RAB44: variants seen among roughly 807,000 people sequenced by gnomAD.
The protein encoded by RAB44 is ras-related protein Rab-44.
A neutral mutation model predicts 93.3 loss-of-function variants in RAB44; 67 were observed. The ratio of observed to expected loss-of-function variants is 0.72; its 90% confidence interval spans 0.59 to 0.88. The LOEUF (loss-of-function observed/expected upper bound fraction) is 0.88, where lower values mean the gene tolerates loss of function less well. Among genes scored for constraint, RAB44 ranks in the 40% least tolerant of loss-of-function variants. RAB44 has a pLI of 0.00. For missense variants in RAB44, 1,064 were observed against 1,261.7 expected (o/e 0.84, Z 2.37); for synonymous variants, 427 against 520.3 (o/e 0.82, Z 2.44).
In RAB44 at chr6:36,731,199, TCA is replaced by T. The variant is rs999579144; in HGVS notation, c.2975+462_2975+463del. 6.7e-6 allele frequency among the ~76,000 whole-genome samples: 1 copy of T among 149,154 alleles called. No homozygotes were observed. Among genetic ancestry groups the T allele is most frequent in the Non-Finnish European group, 1.5e-5 (1 of 67,052 alleles). The stretch of plus-strand genomic sequence containing the variant: ...CTCACACTCTTACACACACTCACAC[TCA>T]CACACACACACTTGCCAAGTTCCAG... On this transcript the variant is annotated intron_variant, in intron 13 of 13. Coordinates refer to ENST00000612677, the MANE Select transcript of RAB44 (RefSeq NM_001257357.2). This position sits in a 1 kb window ranked among gnomAD's most constrained non-coding sequence, Gnocchi z 4.0.
intron 1 of RAB44, among the ~76,000 whole-genome samples, chr6:36,702,566 A>G (rs1218206113): frequency 6.6e-6 from 1 of 152,106 alleles, no homozygotes; most frequent in Non-Finnish European, 1.5e-5. Flanking sequence ...TATCTATTCC[A>G]TCTCCTGGGC....
chr6:36,728,848 C>CACCT (rs1183214143), intron 12 of RAB44, 47 bp downstream of exon 12: 2 of 1,446,174 alleles, frequency 1.4e-6, no homozygotes, highest in South Asian at 2.4e-5. Flanking sequence ...ACTGGGCAGA[C>CACCT]ACCTCCCTGG....
chr6:36,721,741 C>A lies in RAB44; in HGVS notation c.1607C>A (p.Ala536Asp). 8.1e-7 allele frequency: 1 copy of A among 1,234,450 alleles called. No individual in the cohort carries two copies. Among genetic ancestry groups the A allele is most frequent in the Non-Finnish European group, 1.0e-6 (1 of 988,274 alleles). 76.5% of individuals were successfully genotyped at this position (1,234,450 alleles called of 1,614,324 possible). Residue 536 changes from alanine (A) to aspartate (D), a missense_variant, in exon 9 of 14, where the codon GCT (alanine) becomes GAT (aspartate). By Grantham distance (126) the Ala-to-Asp change is moderately radical (BLOSUM62 -2). Transcript: ENST00000612677. ...GATGACAAGGGCCCTGGGTCTTGGG[C>A]TCCTCCCAGCGGGGCTCAGCCTGGG... Reference protein sequence around the residue: ...DPDDKGPGSWAPPSGAQPGAG... With the variant: ...DPDDKGPGSWDPPSGAQPGAG...
chr6:36,725,958 A>C lies in RAB44; in HGVS notation c.2681+15A>C. On this transcript the variant is annotated intron_variant, in intron 10 of 13. Coordinates refer to ENST00000612677, the MANE Select transcript of RAB44 (RefSeq NM_001257357.2). ...GGCCAAGAGAGGTAACAGGCACTGT[A>C]TATCAGTGTGTCAGGAACCTAGGCT... 3.2e-6 allele frequency: 5 copies of C among 1,544,944 alleles called. No individual in the cohort carries two copies. The highest frequency in any genetic ancestry group is 3.5e-6 in the Non-Finnish European group (4 of 1,141,816).
In RAB44 at chr6:36,731,664, C is replaced by T. The variant is rs1759860607; in HGVS notation, c.2976-339C>T. 6.6e-6 allele frequency among the ~76,000 whole-genome samples: 1 copy of T among 152,188 alleles called. No homozygotes were observed. Among genetic ancestry groups the T allele is most frequent in the African/African-American group, 2.4e-5 (1 of 41,438 alleles). On this transcript the variant is annotated intron_variant, in intron 13 of 13. Transcript: ENST00000612677. This position sits in a 1 kb window ranked among gnomAD's most constrained non-coding sequence, Gnocchi z 4.0. ...CACCATCTCCTTCCTCCCCAGATCC[C>T]TCCAGGACCTGGTGTGAAGTCCCTG...
chr6:36,720,919 C>A (rs896509291), intron 8 of RAB44, among the ~76,000 whole-genome samples: 26 of 152,184 alleles, frequency 1.7e-4, no homozygotes, highest in Admixed American at 1.3e-4. Context: ...CCAGAATGAT[C>A]AAGGAAGGCT....
In RAB44 at chr6:36,697,881, C is replaced by T. The variant is rs1762419351; in HGVS notation, c.-47C>T. The T allele has an allele frequency of 6.6e-6, 1 of 152,348 alleles. No homozygotes were observed. The highest frequency in any genetic ancestry group is 2.1e-4 in the South Asian group (1 of 4,834). 9.4% of individuals were successfully genotyped at this position (152,348 alleles called of 1,614,324 possible). ...TCACCCTACCACCAGGTCCCAGAGC[C>T]CAGGGCTGTGTGTTCCACTGGGAGC... On this transcript the variant is annotated 5_prime_UTR_variant, in exon 1 of 14. Transcript: ENST00000612677.
At chr6:36,728,446 G>T (rs952229764) in intron 11 of RAB44, among the ~76,000 whole-genome samples, 4 of 152,222 alleles carry the variant, frequency 2.6e-5, no homozygotes, top group Non-Finnish European at 5.9e-5. Flanking sequence ...CAGGCAGGAA[G>T]AGAGGACATG....
At chr6:36,716,487 A>AAG (rs1223164310) in intron 4 of RAB44, among the ~76,000 whole-genome samples, 3 of 149,468 alleles carry the variant, frequency 2.0e-5, no homozygotes, top group Admixed American at 6.6e-5. Flanking sequence ...AAAAAAAAAA[A>AAG]AGAGAGAGAT....
At chr6:36,706,384 T>G (rs1325378073) in intron 2 of RAB44, among the ~76,000 whole-genome samples, 1 of 152,146 alleles carries the variant, frequency 6.6e-6, no homozygotes, top group East Asian at 1.9e-4. Context: ...CCCAAGATAT[T>G]CTCTTCACCA....
At position 36,731,045 on chromosome 6, in the gene RAB44, G is replaced by T. The variant is rs1281877434; in HGVS notation, c.2975+296G>T. ...TGCAAAGAGGGCTGAGAAAAGGAGT[G>T]TCTCTCTTCTGCTCCCAAACTTCCA... is the stretch of plus-strand genomic sequence containing the variant. On this transcript the variant is annotated intron_variant, in intron 13 of 13. Transcript: ENST00000612677. The surrounding 1 kb of genome is among the most constrained non-coding windows in gnomAD (Gnocchi z 4.0). Among the ~76,000 whole-genome samples the T allele has an allele frequency of 6.6e-6, 1 of 152,028 alleles. No homozygotes were observed. The highest frequency in any genetic ancestry group is 1.5e-5 in the Non-Finnish European group (1 of 68,002).
Position 36,721,268 on chromosome 6 carries a change from C to T in RAB44, c.1134C>T (p.Gly378=). 1 of 1,234,338 alleles carries T rather than the reference C, an allele frequency of 8.1e-7. No homozygotes were observed. Among genetic ancestry groups the T allele is most frequent in the Non-Finnish European group, 1.0e-6 (1 of 988,200 alleles). The allele number at this position is 1,234,338 out of a possible 1,614,324, so 76.5% of individuals were successfully genotyped here. ...DDWDQLLSNF[G]SPPHGALQLC... ...GGGACCAGCTACTGAGCAACTTTGG[C>T]AGCCCTCCGCACGGAGCCCTGCAGC... Residue 378 remains glycine, a synonymous_variant, in exon 9 of 14, where the codon GGC becomes GGT. Transcript: ENST00000612677.
chr6:36,703,359 G>T (rs1204620521), intron 1 of RAB44, among the ~76,000 whole-genome samples: 2 of 152,182 alleles, frequency 1.3e-5, no homozygotes, highest in East Asian at 3.8e-4. Context: ...ACCATAGCAG[G>T]GTTGCAGACA....
rs115577946 is a variant in RAB44, at chr6:36,718,535, G to A, written c.775G>A (p.Val259Ile). ...GLALTSQMQD[V>I]LEAKEREVQR... ...GGCCCTCACCTCCCAGATGCAGGAC[G>A]TCCTAGAGGCCAAGGAGCGCGAGGT... The change falls in exon 7 of 14, where the codon GTC (valine) becomes ATC (isoleucine). Residue 259 changes from valine (V) to isoleucine (I), a missense_variant. Coordinates refer to ENST00000612677, the MANE Select transcript of RAB44 (RefSeq NM_001257357.2). The A allele has an allele frequency of 1.9e-5, 23 of 1,234,096 alleles. No homozygotes were observed. The highest frequency in any genetic ancestry group is 8.2e-5 in the South Asian group (2 of 24,396). The allele number at this position is 1,234,096 out of a possible 1,614,324, so 76.4% of individuals were successfully genotyped here.
intron 8 of RAB44, among the ~76,000 whole-genome samples, chr6:36,720,863 AGCAGGCAC>A (rs1306527394): frequency 9.8e-5 from 15 of 152,370 alleles, no homozygotes; most frequent in African/African-American, 3.1e-4. Flanking sequence ...CTAGATCCCT[AGCAGGCAC>A]TCACTCTACT....
At chr6:36,698,069 G>A (rs1002819500) in intron 1 of RAB44, among the ~76,000 whole-genome samples, 154 bp downstream of exon 1, 18 of 152,234 alleles carry the variant, frequency 1.2e-4, no homozygotes, top group African/African-American at 4.3e-4. Context: ...TGGTCTAAGG[G>A]AGGGGATGGG....
intron 9 of RAB44, 87 bp downstream of exon 9, chr6:36,722,820 C>T: frequency 1.3e-6 from 2 of 1,483,744 alleles, no homozygotes; most frequent in Non-Finnish European, 9.1e-7. Flanking sequence ...ACCAAGCCCT[C>T]CCTGAGGAAG....
Position 36,732,160 on chromosome 6 carries a change from G to C in RAB44, c.*67G>C. ...TCCTGTCCCTCAGCTCCTGTCCTTT[G>C]TTCCTGGACAGCAACGACACAGAGG... On this transcript the variant is annotated 3_prime_UTR_variant, in exon 14 of 14. Transcript: ENST00000612677. 1 of 1,036,156 alleles carries C rather than the reference G, an allele frequency of 9.7e-7. No homozygotes were observed. Among genetic ancestry groups the C allele is most frequent in the African/African-American group, 1.6e-5 (1 of 60,656 alleles). The allele number at this position is 1,036,156 out of a possible 1,614,324, so 64.2% of individuals were successfully genotyped here.
rs2150337338 is a variant in RAB44 at position 36,721,488 on chromosome 6, G to A, written c.1354G>A (p.Glu452Lys). The A allele has an allele frequency of 8.1e-7, 1 of 1,234,526 alleles. No individual in the cohort carries two copies. The highest frequency in any genetic ancestry group is 3.2e-5 in the East Asian group (1 of 31,704). 76.5% of individuals were successfully genotyped at this position (1,234,526 alleles called of 1,614,324 possible). Residue 452 changes from glutamate (E) to lysine (K), a missense_variant, in exon 9 of 14, where the codon GAG becomes AAG. Physicochemically the swap from Glu to Lys is moderately conservative, Grantham distance 56. Transcript: ENST00000612677. ...AKDNKGVDPH[E>K]QDIRAEQPVE... ...GGACAATAAAGGAGTGGACCCACAT[G>A]AGCAGGACATTAGAGCAGAGCAGCC...
Sources: allele counts gnomAD v4.1 joint callset (sites outside exome capture counted in the v4.1 genomes callset), GRCh38; gene constraint gnomAD v4.1.1; non-coding constraint Gnocchi (gnomAD v3.1); transcripts MANE v1.5; gene names NCBI Gene and HGNC (gene_info 2026-07-23, HGNC 2026-07-21).